The following QKI variants were observed in gnomAD, a reference collection of about 807,000 sequenced individuals.
QKI encodes QKI, KH domain containing RNA binding.
A neutral mutation model predicts 39.0 loss-of-function variants in QKI; 10 were observed. The ratio of observed to expected loss-of-function variants is 0.26; its 90% CI spans 0.16 to 0.43. The LOEUF (loss-of-function observed/expected upper bound fraction) is 0.43, where lower values mean the gene tolerates loss of function less well. Ranked by LOEUF, QKI falls within the 20% of genes least tolerant of loss-of-function variation. The probability of loss-of-function intolerance (pLI) is 1.00; values close to 1 mark genes in which losing one functional copy is unlikely to be tolerated. For synonymous variants in QKI, 204 were observed against 155.4 expected (o/e 1.31, Z -2.33); for missense variants, 218 against 428.0 (o/e 0.51, Z 4.33).
intron 1 of QKI, among the ~76,000 whole-genome samples, chr6:163,426,695 T>C (rs1216561815): frequency 1.3e-5 from 2 of 152,204 alleles, no homozygotes; most frequent in Non-Finnish European, 2.9e-5. Flanking sequence ...CTTTGAAAGG[T>C]ACAGCTTTCT....
At chr6:163,503,707 C>T (rs1402374322) in intron 3 of QKI, among the ~76,000 whole-genome samples, 1 of 151,904 alleles carries the variant, frequency 6.6e-6, no homozygotes, top group Non-Finnish European at 1.5e-5. Context: ...TGAGGTCTTA[C>T]ATTTTAATCT....
chr6:163,541,000 G>T (rs1781470064), intron 4 of QKI, among the ~76,000 whole-genome samples: 1 of 151,050 alleles, frequency 6.6e-6, no homozygotes, highest in Admixed American at 6.6e-5. Context: ...ATTGATATCT[G>T]CTTTTACATC....
At position 163,565,031 on chromosome 6, in the gene QKI, T is replaced by C. The variant is rs1007610113; in HGVS notation, c.934+1312T>C. ...ATGCTCTGTATGTTATCTGTGTGTGTGCATGCACTCAGGTGCCCTTTGTTT... is the reference window on the plus strand; with the variant it reads ...ATGCTCTGTATGTTATCTGTGTGTGCGCATGCACTCAGGTGCCCTTTGTTT... On this transcript the variant is annotated intron_variant, in intron 6 of 7. Transcript: ENST00000361752. 23 of 1,150,648 alleles carry C rather than the reference T, an allele frequency of 2.0e-5. No individual in the cohort carries two copies. The African/African-American group carries it at 3.5e-4, about 17-fold the overall frequency. The allele number at this position is 1,150,648 out of a possible 1,614,324, so 71.3% of individuals were successfully genotyped here. A position where few individuals can be genotyped will look rare whatever the true frequency, so the allele number is the denominator to read the frequency against.
chr6:163,494,224 T>C (rs1020251384), intron 3 of QKI, among the ~76,000 whole-genome samples: 9 of 152,230 alleles, frequency 5.9e-5, no homozygotes, highest in African/African-American at 1.9e-4. Flanking sequence ...CTTTGCGTTG[T>C]ATTCAGTATT....
At chr6:163,438,804 C>G (rs1160857091) in intron 1 of QKI, among the ~76,000 whole-genome samples, 2 of 151,880 alleles carry the variant, frequency 1.3e-5, no homozygotes, top group Non-Finnish European at 2.9e-5. Flanking sequence ...ACATTGTATT[C>G]TTAGGCTGCC....
At chr6:163,480,079 A>T (rs1317234302) in intron 3 of QKI, among the ~76,000 whole-genome samples, 4 of 152,176 alleles carry the variant, frequency 2.6e-5, no homozygotes, top group Non-Finnish European at 5.9e-5. Flanking sequence ...AACTATCTAA[A>T]TATTATTGTT....
At chr6:163,493,203 C>T (rs1778174043) in intron 3 of QKI, among the ~76,000 whole-genome samples, 1 of 151,196 alleles carries the variant, frequency 6.6e-6, no homozygotes, top group African/African-American at 2.4e-5. Context: ...CAATCTTGGC[C>T]CACTGCAACC....
At chr6:163,540,783 C>G (rs1431921754) in intron 4 of QKI, among the ~76,000 whole-genome samples, 1 of 151,944 alleles carries the variant, frequency 6.6e-6, no homozygotes, top group East Asian at 1.9e-4. Context: ...TTTTTGTTTC[C>G]TGGTGACAAA....
intron 3 of QKI, among the ~76,000 whole-genome samples, chr6:163,531,459 A>C (rs1244484262): frequency 2.0e-5 from 3 of 152,296 alleles, no homozygotes; most frequent in Non-Finnish European, 4.4e-5. Flanking sequence ...CTTTTTAATG[A>C]GAGTTCATCT....
At chr6:163,546,976 A>G (rs1349937145) in intron 4 of QKI, among the ~76,000 whole-genome samples, 4 of 152,120 alleles carry the variant, frequency 2.6e-5, no homozygotes, top group Admixed American at 2.6e-4. Context: ...ATAAAATATA[A>G]GAGTATTTAT....
chr6:163,534,931 C>A, intron 3 of QKI, 51 bp from the exon 4 acceptor site: 1 of 1,385,138 alleles, frequency 7.2e-7, no homozygotes, highest in South Asian at 1.5e-5. Flanking sequence ...GAAAGATGTG[C>A]TCTCTCTTTA....
intron 7 of QKI, chr6:163,567,000 T>C (rs558238415): frequency 4.4e-5 from 58 of 1,317,258 alleles, no homozygotes; most frequent in Admixed American, 1.9e-4. Flanking sequence ...TTTTAACTTA[T>C]TAAATCTTCT....
At chr6:163,567,959 T>C in intron 7 of QKI, 1 of 984,696 alleles carries the variant, frequency 1.0e-6, no homozygotes, top group Non-Finnish European at 1.2e-6. Context: ...CCAAAGACAT[T>C]GTTAATATTT....
chr6:163,454,519 T>TA (rs945091894), intron 1 of QKI, among the ~76,000 whole-genome samples: 1 of 152,194 alleles, frequency 6.6e-6, no homozygotes, highest in Non-Finnish European at 1.5e-5. Context: ...CTGTTTATCT[T>TA]ACATTCTTTT....
intron 1 of QKI, among the ~76,000 whole-genome samples, chr6:163,434,560 A>G (rs1789097041): frequency 6.6e-6 from 1 of 151,866 alleles, no homozygotes; most frequent in Admixed American, 6.6e-5. Flanking sequence ...CTAAAAATAC[A>G]AAAAATTAGC....
intron 7 of QKI, chr6:163,569,617 T>C: frequency 7.9e-6 from 8 of 1,011,068 alleles, no homozygotes; most frequent in Non-Finnish European, 9.5e-6. Context: ...TGATAACTTT[T>C]CCACTTGAGA....
chr6:163,471,377 A>G (rs2128223293), intron 2 of QKI, among the ~76,000 whole-genome samples: 1 of 152,324 alleles, frequency 6.6e-6, no homozygotes, highest in African/African-American at 2.4e-5. Context: ...GAAAAGTTGA[A>G]GATGCATAAA....
intron 4 of QKI, among the ~76,000 whole-genome samples, chr6:163,544,698 C>T (rs533589317): frequency 1.1e-3 from 161 of 152,132 alleles, no homozygotes; most frequent in Non-Finnish European, 2.1e-3. Context: ...GAGGTCTTAA[C>T]ATTGTCAAGC....
chr6:163,566,971 G>T, intron 7 of QKI, 176 bp downstream of exon 7: 3 of 1,361,760 alleles, frequency 2.2e-6, no homozygotes, highest in East Asian at 2.8e-5. Context: ...GTTTTGGTTT[G>T]GTTTTTTCTC....
Sources: gnomAD v4.1 joint callset for allele counts (sites outside exome capture counted in the v4.1 genomes callset) on GRCh38, gnomAD v4.1.1 for gene constraint, MANE v1.5 for transcripts, NCBI Gene and HGNC (gene_info 2026-07-23, HGNC 2026-07-21) for gene names.